The following HS3ST3A1 variants were observed in gnomAD, a reference collection of about 807,000 sequenced individuals.
HS3ST3A1 encodes the protein heparan sulfate-glucosamine 3-sulfotransferase 3A1, also known as heparan sulfate glucosamine 3-O-sulfotransferase 3A1.
HS3ST3A1 carries 19 observed loss-of-function variants against 25.7 expected under a neutral mutation model. The ratio of observed to expected loss-of-function variants is 0.74; its 90% CI spans 0.52 to 1.08. HS3ST3A1 has a LOEUF of 1.08. Ranked by LOEUF, HS3ST3A1 falls within the 50% of genes least tolerant of loss-of-function variation. The pLI is 0.00. For synonymous variants in HS3ST3A1, 226 were observed against 278.6 expected (o/e 0.81, Z 1.88); for missense variants, 459 against 594.3 (o/e 0.77, Z 2.37).
chr17:13,547,400 C>T (rs1215687912), intron 1 of HS3ST3A1, among the ~76,000 whole-genome samples: 1 of 152,120 alleles, frequency 6.6e-6, no homozygotes, highest in Non-Finnish European at 1.5e-5. Context: ...AACTTTTAGC[C>T]TCACCCTACA....
intron 1 of HS3ST3A1, among the ~76,000 whole-genome samples, chr17:13,520,783 T>A (rs1013355164): frequency 6.6e-6 from 1 of 152,108 alleles, no homozygotes; most frequent in African/African-American, 2.4e-5. Context: ...GGCTAATTTT[T>A]GTATTTTTAG....
intron 1 of HS3ST3A1, among the ~76,000 whole-genome samples, chr17:13,559,403 A>G (rs1317623848): frequency 6.6e-6 from 1 of 151,924 alleles, no homozygotes; most frequent in Non-Finnish European, 1.5e-5. Flanking sequence ...CCTAAAAGTA[A>G]AAATATTTTT....
rs919857107 is a variant in HS3ST3A1, at chr17:13,583,575, G to A, written c.599+16956C>T. Among the ~76,000 whole-genome samples the A allele has an allele frequency of 6.6e-5, 10 of 152,012 alleles. No individual in the cohort carries two copies. In the South Asian group the frequency reaches 1.2e-3, roughly 19 times the overall value. On this transcript the variant is annotated intron_variant, in intron 1 of 1. Coordinates refer to ENST00000284110, the MANE Select transcript of HS3ST3A1 (RefSeq NM_006042.3). ...CCTCCAGAAAAATGCCCCTTAACAC[G>A]TCACCATGCTGCTAAAGGCCTACCC...
At chr17:13,558,309 T>A (rs558060129) in intron 1 of HS3ST3A1, among the ~76,000 whole-genome samples, 2 of 152,120 alleles carry the variant, frequency 1.3e-5, no homozygotes, top group East Asian at 3.9e-4. Context: ...AAACAAAAAT[T>A]GGATGTGCAA....
intron 1 of HS3ST3A1, among the ~76,000 whole-genome samples, chr17:13,540,667 T>C (rs939748355): frequency 1.3e-5 from 2 of 152,252 alleles, no homozygotes; most frequent in African/African-American, 4.8e-5. Flanking sequence ...GACTTACCAC[T>C]TAATGATCAG....
intron 1 of HS3ST3A1, among the ~76,000 whole-genome samples, chr17:13,507,083 A>C (rs9892266): frequency 0.61 from 87,613 of 144,480 alleles, 26,232 homozygotes; most frequent in African/African-American, 0.71. Context: ...AAAAAAAAAA[A>C]AAACAAAAAA....
chr17:13,529,197 G>T (rs1311882887), intron 1 of HS3ST3A1, among the ~76,000 whole-genome samples: 9 of 152,124 alleles, frequency 5.9e-5, no homozygotes, highest in Non-Finnish European at 1.5e-5. Flanking sequence ...GTTAAGGAGA[G>T]AATGAATTAC....
chr17:13,519,737 T>A (rs1290612699), intron 1 of HS3ST3A1, among the ~76,000 whole-genome samples: 3 of 152,164 alleles, frequency 2.0e-5, no homozygotes, highest in Admixed American at 2.0e-4. Context: ...ATGCCAACTC[T>A]CTGGGAGAAA....
intron 1 of HS3ST3A1, among the ~76,000 whole-genome samples, chr17:13,517,299 G>T (rs1906087301): frequency 6.6e-6 from 1 of 152,122 alleles, no homozygotes; most frequent in Admixed American, 6.5e-5. Context: ...AACATTTATT[G>T]AACGTCTACC....
chr17:13,589,831 C>T (rs919917238), intron 1 of HS3ST3A1, among the ~76,000 whole-genome samples: 1 of 152,158 alleles, frequency 6.6e-6, no homozygotes, highest in Non-Finnish European at 1.5e-5. Flanking sequence ...CAGTTAGCTC[C>T]GGGAATGTAA....
chr17:13,586,295 G>A (rs11078168), intron 1 of HS3ST3A1, among the ~76,000 whole-genome samples: 95,268 of 151,554 alleles, frequency 0.63, 31,801 homozygotes, highest in East Asian at 0.92. Context: ...CATGCATACC[G>A]CACTGCTCTA....
chr17:13,594,075 C>T (rs9898644), intron 1 of HS3ST3A1, among the ~76,000 whole-genome samples: 21,450 of 152,168 alleles, frequency 0.14, 1,620 homozygotes, highest in African/African-American at 0.17. Context: ...TTGTAAAATG[C>T]CCCTCAATCA....
intron 1 of HS3ST3A1, among the ~76,000 whole-genome samples, chr17:13,542,704 A>G (rs1179303926): frequency 6.6e-6 from 1 of 152,016 alleles, no homozygotes; most frequent in Non-Finnish European, 1.5e-5. Flanking sequence ...CTTGGAATCT[A>G]AAGCAATAAA....
At chr17:13,496,897 G>A (rs1177822323) in intron 1 of HS3ST3A1, 79 bp from the exon 2 acceptor site, 28 of 1,533,580 alleles carry the variant, frequency 1.8e-5, no homozygotes, top group Non-Finnish European at 2.5e-5. Flanking sequence ...ACACGCTGGA[G>A]CCAGGCCGCA....
intron 1 of HS3ST3A1, among the ~76,000 whole-genome samples, chr17:13,528,741 G>A (rs933390617): frequency 5.3e-5 from 8 of 152,186 alleles, no homozygotes; most frequent in African/African-American, 1.4e-4. Flanking sequence ...TGGGGGAACT[G>A]AGGAAGGTGA....
At chr17:13,508,357 C>G (rs939009856) in intron 1 of HS3ST3A1, among the ~76,000 whole-genome samples, 1 of 152,180 alleles carries the variant, frequency 6.6e-6, no homozygotes, top group African/African-American at 2.4e-5. Flanking sequence ...TTTTGGGGAA[C>G]CTCATGAAAA....
At chr17:13,523,671 T>C (rs182994452) in intron 1 of HS3ST3A1, among the ~76,000 whole-genome samples, 5 of 152,340 alleles carry the variant, frequency 3.3e-5, no homozygotes, top group Admixed American at 3.3e-4. Context: ...CCAATAGTTT[T>C]CTCTCGGTAA....
At chr17:13,534,373 C>T (rs529652188) in intron 1 of HS3ST3A1, among the ~76,000 whole-genome samples, 1 of 151,886 alleles carries the variant, frequency 6.6e-6, no homozygotes, top group South Asian at 2.1e-4. Flanking sequence ...TCAACACATA[C>T]AGTCAGTTCT....
intron 1 of HS3ST3A1, among the ~76,000 whole-genome samples, chr17:13,567,033 A>G (rs1241319490): frequency 6.6e-6 from 1 of 152,250 alleles, no homozygotes; most frequent in Non-Finnish European, 1.5e-5. Context: ...TCATAGCTAC[A>G]GAGAAGTTAA....
Sources: gnomAD v4.1 joint callset for allele counts (sites outside exome capture counted in the v4.1 genomes callset) on GRCh38, gnomAD v4.1.1 for gene constraint, MANE v1.5 for transcripts, NCBI Gene and HGNC (gene_info 2026-07-23, HGNC 2026-07-21) for gene names.